ARPP21: variants seen among roughly 807,000 people sequenced by gnomAD.
ARPP21 encodes cAMP regulated phosphoprotein 21.
In ARPP21, 69 loss-of-function variants were observed where a neutral mutation model predicts 113.2. That is an observed-to-expected ratio of 0.61 (90% CI 0.50 to 0.74). ARPP21 has a LOEUF of 0.74. ARPP21 is among the 30% of genes least tolerant of loss of function. ARPP21 has a pLI of 0.00. For missense variants in ARPP21, 1,070 were observed against 1,037.4 expected (o/e 1.03, Z -0.43); for synonymous variants, 368 against 375.5 (o/e 0.98, Z 0.23).
chr3:35,696,788 T>C (rs2084215197), intron 9 of ARPP21, among the ~76,000 whole-genome samples: 1 of 151,610 alleles, frequency 6.6e-6, no homozygotes, highest in Admixed American at 6.6e-5. Context: ...ATATGAATAG[T>C]GATCTTATCA....
At chr3:35,757,487 A>G (rs984028796) in intron 19 of ARPP21, among the ~76,000 whole-genome samples, 1 of 152,108 alleles carries the variant, frequency 6.6e-6, no homozygotes, top group Non-Finnish European at 1.5e-5. Flanking sequence ...CAAAGAGAAC[A>G]ATCCAATGAC....
At chr3:35,717,161 T>A (rs1415136124) in intron 12 of ARPP21, 137 bp from the exon 13 acceptor site, 3 of 551,772 alleles carry the variant, frequency 5.4e-6, no homozygotes, top group Non-Finnish European at 9.9e-6. Context: ...TAATTTATTA[T>A]GGCAAAATTC....
Position 35,706,962 on chromosome 3 carries a change from C to A in ARPP21, c.687-12C>A. On this transcript the variant is annotated splice_polypyrimidine_tract_variant and intron_variant, in intron 9 of 20. Transcript: ENST00000684406. ...AAAACTTTTTTATTGATATGTTTTA[C>A]TTTGCTGGCAGACCAGAGCAAAGGT... The A allele has an allele frequency of 1.1e-5, 18 of 1,604,182 alleles. No homozygotes were observed. The highest frequency in any genetic ancestry group is 1.5e-5 in the Non-Finnish European group (18 of 1,175,026).
chr3:35,774,424 A>T (rs1030789747), intron 19 of ARPP21, among the ~76,000 whole-genome samples: 2 of 152,112 alleles, frequency 1.3e-5, no homozygotes, highest in Admixed American at 1.3e-4. Flanking sequence ...AGATGCCTGA[A>T]CTTATCTAAG....
rs2082063979 is a variant in ARPP21, at chr3:35,690,870, A to G, written c.551A>G (p.His184Arg). 2.5e-6 allele frequency: 4 copies of G among 1,603,994 alleles called. No homozygotes were observed. The highest frequency in any genetic ancestry group is 3.4e-6 in the Non-Finnish European group (4 of 1,175,904). Residue 184 changes from histidine to arginine, a missense_variant, in exon 9 of 21, where the codon CAT becomes CGT. His to Arg is a conservative substitution (Grantham distance 29). Transcript: ENST00000684406. ...TTTCTTGAATTATGTTCTAGTAATC[A>G]TTATAAAAAGTTCCCTCAGATGTCA... ...IIDFIADNNN[H>R]YKKFPQMSSY...
At chr3:35,759,033 T>TTCA (rs1198336384) in intron 19 of ARPP21, among the ~76,000 whole-genome samples, 2 of 152,098 alleles carry the variant, frequency 1.3e-5, no homozygotes, top group African/African-American at 4.8e-5. Context: ...AATGACATGT[T>TTCA]TAGTGACCTC....
At chr3:35,752,396 T>C (rs947085070) in intron 19 of ARPP21, among the ~76,000 whole-genome samples, 8 of 151,962 alleles carry the variant, frequency 5.3e-5, no homozygotes, top group Middle Eastern at 3.4e-3. Context: ...CTGTCAGAAA[T>C]ACAAACTTTA....
rs191555181 is a variant in ARPP21, at chr3:35,686,198, G to A, written c.262-1541G>A. Among the ~76,000 whole-genome samples, 6 of 151,736 alleles carry A rather than the reference G, an allele frequency of 4.0e-5. No individual in the cohort carries two copies. The East Asian group carries it at 5.9e-4, about 15-fold the overall frequency. On this transcript the variant is annotated intron_variant, in intron 5 of 20. Transcript: ENST00000684406. ...ACTGAATCTTCCCCACCTCAGCCAC[G>A]TCTTCTGGACCAGAAATGTCCCAGT...
chr3:35,660,265 C>A (rs1195701046), intron 1 of ARPP21, among the ~76,000 whole-genome samples: 1 of 152,058 alleles, frequency 6.6e-6, no homozygotes, highest in African/African-American at 2.4e-5. Flanking sequence ...GGTCTATTCC[C>A]AATTCTGAAT....
At chr3:35,678,313 A>T (rs2078026161) in intron 1 of ARPP21, among the ~76,000 whole-genome samples, 4 of 151,964 alleles carry the variant, frequency 2.6e-5, no homozygotes, top group Admixed American at 2.6e-4. Flanking sequence ...ACTTGGAAAA[A>T]GTACAACAGA....
chr3:35,761,694 CTAAGA>C (rs530380763), intron 19 of ARPP21, among the ~76,000 whole-genome samples: 86 of 152,192 alleles, frequency 5.7e-4, no homozygotes, highest in African/African-American at 1.9e-3. Flanking sequence ...AAAGTGGAAG[CTAAGA>C]TAAGATGGAT....
chr3:35,789,584 C>G (rs1206141190), intron 19 of ARPP21, among the ~76,000 whole-genome samples: 1 of 152,004 alleles, frequency 6.6e-6, no homozygotes, highest in African/African-American at 2.4e-5. Context: ...ACCATGGGAA[C>G]CCCAGTGTAA....
chr3:35,700,741 T>A (rs2086042082), intron 9 of ARPP21, among the ~76,000 whole-genome samples: 1 of 151,850 alleles, frequency 6.6e-6, no homozygotes, highest in South Asian at 2.1e-4. Context: ...TGATCAAATA[T>A]ATTGAACCAA....
rs1197581584 is a variant in ARPP21, at chr3:35,743,909, C to T, written c.2081C>T (p.Pro694Leu). ...ACGCAACAGTACCGGCCCATGGCCC[C>T]GGTTCAGTACAACGCTCAGAGGAGT... ...STTQQYRPMA[P>L]VQYNAQRSQQ... The change falls in exon 19 of 21, where the codon CCG becomes CTG. Residue 694 changes from proline to leucine, a missense_variant. Physicochemically the swap from Pro to Leu is moderately conservative, Grantham distance 98 (BLOSUM62 -3). Transcript: ENST00000684406. 7 of 1,613,946 alleles carry T rather than the reference C, an allele frequency of 4.3e-6. No homozygotes were observed. The highest frequency in any genetic ancestry group is 2.7e-5 in the African/African-American group (2 of 74,934).
At chr3:35,722,078 T>A (rs2093130672) in intron 14 of ARPP21, among the ~76,000 whole-genome samples, 2 of 152,186 alleles carry the variant, frequency 1.3e-5, no homozygotes, top group African/African-American at 4.8e-5. Flanking sequence ...TATATAATGT[T>A]ATTCAAACCC....
chr3:35,643,624 A>G (rs75338723), intron 1 of ARPP21: 13 of 152,200 alleles, frequency 8.5e-5, no homozygotes, highest in African/African-American at 3.1e-4. Context: ...TGAAGACACA[A>G]TATACAAGGT....
intron 9 of ARPP21, among the ~76,000 whole-genome samples, chr3:35,692,052 G>A (rs2082390192): frequency 6.6e-6 from 1 of 151,526 alleles, no homozygotes; most frequent in South Asian, 2.1e-4. Context: ...AGTGAAGAGA[G>A]CACAAACTGA....
intron 1 of ARPP21, among the ~76,000 whole-genome samples, chr3:35,649,056 C>T (rs934750010): frequency 3.3e-5 from 5 of 152,152 alleles, no homozygotes; most frequent in Admixed American, 6.5e-5. Context: ...GCCTATTTCC[C>T]AGTCCATTTT....
intron 1 of ARPP21, among the ~76,000 whole-genome samples, chr3:35,673,087 T>G (rs533238503): frequency 6.6e-6 from 1 of 152,080 alleles, no homozygotes; most frequent in Non-Finnish European, 1.5e-5. Context: ...TTGTTGAATC[T>G]TGCAGAAAGA....
Sources: gnomAD v4.1 joint callset for allele counts (sites outside exome capture counted in the v4.1 genomes callset) on GRCh38, gnomAD v4.1.1 for gene constraint, MANE v1.5 for transcripts, NCBI Gene and HGNC (gene_info 2026-07-23, HGNC 2026-07-21) for gene names.